Variants in GABPA observed in about 807,000 individuals in gnomAD.
The protein encoded by GABPA is GA binding protein transcription factor subunit alpha, also known as GA-binding protein alpha chain.
A neutral mutation model predicts 59.4 loss-of-function variants in GABPA; 4 were observed. That is an observed-to-expected ratio of 0.07 (90% CI 0.03 to 0.15). The LOEUF (loss-of-function observed/expected upper bound fraction) is 0.15. GABPA is among the 10% of genes least tolerant of loss of function. The pLI, the probability that GABPA is intolerant of heterozygous loss-of-function variation, is 1.00. For synonymous variants in GABPA, 164 were observed against 183.1 expected, an observed-to-expected ratio of 0.90 and a Z score of 0.84; for missense variants, 251 against 543.8, an observed-to-expected ratio of 0.46 and a Z score of 5.36.
chr21:25,737,410 G>GAC (rs1445481753), intron 1 of GABPA, among the ~76,000 whole-genome samples: 1 of 152,190 alleles, frequency 6.6e-6, no homozygotes, highest in Non-Finnish European at 1.5e-5. Context: ...AACCAGGAGA[G>GAC]AAAGAAAGAT....
At chr21:25,746,081 G>T (rs71649679) in intron 3 of GABPA, among the ~76,000 whole-genome samples, 351 of 151,246 alleles carry the variant, frequency 2.3e-3, no homozygotes, top group African/African-American at 8.0e-3. Flanking sequence ...GTGTAGTTTC[G>T]GGTCACTGCA....
intron 3 of GABPA, among the ~76,000 whole-genome samples, chr21:25,747,356 A>G (rs2035394186): frequency 6.6e-6 from 1 of 152,216 alleles, no homozygotes; most frequent in Non-Finnish European, 1.5e-5. Context: ...TGACCTATCC[A>G]AAATGAAAGT....
intron 2 of GABPA, among the ~76,000 whole-genome samples, chr21:25,742,261 C>CA (rs11384761): frequency 1 from 152,326 of 152,326 alleles, 76,163 homozygotes; most frequent in Non-Finnish European, 1. Context: ...TAGAAATAGA[C>CA]TTTGGGAGTC....
intron 2 of GABPA, among the ~76,000 whole-genome samples, chr21:25,743,206 G>T (rs2035269882): frequency 6.6e-6 from 1 of 152,152 alleles, no homozygotes; most frequent in African/African-American, 2.4e-5. Flanking sequence ...AAAGCAAATG[G>T]TCTGAGAGAC....
At chr21:25,736,365 T>TTG (rs1262911615) in intron 1 of GABPA, among the ~76,000 whole-genome samples, 4 of 152,196 alleles carry the variant, frequency 2.6e-5, no homozygotes, top group Non-Finnish European at 5.9e-5. Context: ...CTTGAGCGAA[T>TTG]TGTAGAACGA....
intron 9 of GABPA, among the ~76,000 whole-genome samples, chr21:25,768,119 T>G (rs1162042872): frequency 1.3e-5 from 2 of 152,044 alleles, no homozygotes; most frequent in Non-Finnish European, 2.9e-5. Context: ...TTAAATAAAG[T>G]CTGTTTTCCA....
At chr21:25,744,783 ATCTT>A (rs112099122) in intron 2 of GABPA, among the ~76,000 whole-genome samples, 23 of 152,068 alleles carry the variant, frequency 1.5e-4, no homozygotes, top group African/African-American at 5.6e-4. Flanking sequence ...CTATTTTTAT[ATCTT>A]TCTTTTTTTT....
chr21:25,761,370 A>G (rs919260424), intron 6 of GABPA, among the ~76,000 whole-genome samples: 2 of 152,178 alleles, frequency 1.3e-5, no homozygotes, highest in African/African-American at 4.8e-5. Context: ...CTAAATCCAG[A>G]TCTGTCTGAA....
intron 1 of GABPA, 29 bp from the exon 2 acceptor site, chr21:25,741,544 T>A: frequency 7.7e-7 from 1 of 1,290,346 alleles, no homozygotes. Flanking sequence ...TGGATAGTTT[T>A]AAAATATCTT....
At chr21:25,749,582 A>T (rs2035456003) in intron 4 of GABPA, among the ~76,000 whole-genome samples, 1 of 152,216 alleles carries the variant, frequency 6.6e-6, no homozygotes, top group African/African-American at 2.4e-5. Flanking sequence ...CTGTAATCCT[A>T]CCACTTTGGG....
At chr21:25,750,531 T>G (rs2035483968) in intron 4 of GABPA, among the ~76,000 whole-genome samples, 1 of 152,230 alleles carries the variant, frequency 6.6e-6, no homozygotes, top group Non-Finnish European at 1.5e-5. Flanking sequence ...TTACAGTATT[T>G]TACTAAACTT....
In GABPA at chr21:25,752,218, C is replaced by T. The variant is rs114798549; in HGVS notation, c.537C>T (p.Arg179=). Reference sequence around the variant, plus strand: ...AAGGCTATAGGAAAGAACAAGAACGCCTTGGGATACCCTATGGTAATAAAA... The same window carrying T: ...AAGGCTATAGGAAAGAACAAGAACGTCTTGGGATACCCTATGGTAATAAAA... The part of the protein sequence containing the change: ...ALEGYRKEQE[R]LGIPYDPIQW... Residue 179 remains arginine (R), a synonymous_variant, in exon 5 of 10, where the codon CGC becomes CGT. Transcript: ENST00000400075. 2,589 of 1,612,970 alleles carry T rather than the reference C, an allele frequency of 1.6e-3. 73 individuals are homozygous for T. The East Asian group carries it at 0.052, about 33-fold the overall frequency.
intron 5 of GABPA, 174 bp downstream of exon 5, chr21:25,752,408 TC>T: frequency 1.4e-6 from 1 of 728,026 alleles, no homozygotes; most frequent in Non-Finnish European, 2.2e-6. Flanking sequence ...GTGGACAAAT[TC>T]TGTCCTGCGT....
Position 25,767,481 on chromosome 21 carries a change from G to A in GABPA, c.1137-1523G>A, listed in dbSNP as rs143286507. On this transcript the variant is annotated intron_variant, in intron 9 of 9. Coordinates refer to ENST00000400075, the MANE Select transcript of GABPA (RefSeq NM_002040.4). ...ATGCTACTATATACAGTTGTGTGAT[G>A]CATCTACTAGATCAAAAGAAGTATT... 3.9e-3 allele frequency among the ~76,000 whole-genome samples: 594 copies of A among 151,908 alleles called. 4 individuals are homozygous for A. Among genetic ancestry groups the A allele is most frequent in the Non-Finnish European group, 6.3e-3 (426 of 67,876 alleles).
chr21:25,736,031 T>C (rs1363564810), intron 1 of GABPA, among the ~76,000 whole-genome samples: 1 of 152,214 alleles, frequency 6.6e-6, no homozygotes, highest in Admixed American at 6.5e-5. Context: ...GCTCTCTTTA[T>C]AGAACAACAC....
intron 8 of GABPA, 35 bp from the exon 9 acceptor site, chr21:25,764,560 C>G: frequency 6.3e-7 from 1 of 1,576,540 alleles, no homozygotes; most frequent in South Asian, 1.1e-5. Context: ...ATCTATAACA[C>G]TATAGCTAAT....
At chr21:25,747,051 A>T (rs568854669) in intron 3 of GABPA, among the ~76,000 whole-genome samples, 1 of 152,358 alleles carries the variant, frequency 6.6e-6, no homozygotes, top group Non-Finnish European at 1.5e-5. Flanking sequence ...AAATCAGCAT[A>T]TTTTTAGTCA....
Position 25,769,255 on chromosome 21 carries a change from CAA to C in GABPA, c.*25_*26del, listed in dbSNP as rs2035964716. 6.9e-7 allele frequency: 1 copy of C among 1,452,838 alleles called. No homozygotes were observed. Among genetic ancestry groups the C allele is most frequent in the Admixed American group, 1.7e-5 (1 of 58,888 alleles). 90.0% of individuals were successfully genotyped at this position (1,452,838 alleles called of 1,614,324 possible). On this transcript the variant is annotated 3_prime_UTR_variant, in exon 10 of 10. Coordinates refer to ENST00000400075, the MANE Select transcript of GABPA (RefSeq NM_002040.4). ...TGAGCCCCAGGACATTCTGAGACTC[CAA>C]AGTCTTTCTTAAAATGTTTAGAGCA...
rs2035835680 is a variant in GABPA at position 25,764,218 on chromosome 21, A to G, written c.811A>G (p.Ile271Val). ...CTTGTCTGTCTTTGCAGCTGTGCAA[A>G]TTATTCCAGCATCAGTGCAATCTGC... ...EIVTIDQPVQ[I>V]IPASVQSATP... Residue 271 changes from isoleucine to valine, a missense_variant, in exon 8 of 10, where the codon ATT becomes GTT. Physicochemically the swap from Ile to Val is conservative, Grantham distance 29. This residue lies in a region of GABPA where 207 missense variants were observed against 366.7 expected (regional missense o/e 0.56). Coordinates refer to ENST00000400075, the MANE Select transcript of GABPA (RefSeq NM_002040.4). The G allele has an allele frequency of 1.3e-6, 2 of 1,593,222 alleles. No individual in the cohort carries two copies. Among genetic ancestry groups the G allele is most frequent in the African/African-American group, 1.4e-5 (1 of 73,634 alleles).
Sources: gnomAD v4.1 joint callset for allele counts (sites outside exome capture counted in the v4.1 genomes callset) on GRCh38, gnomAD v4.1.1 for gene constraint, gnomAD v4.1.1 regional missense constraint, MANE v1.5 for transcripts, NCBI Gene and HGNC (gene_info 2026-07-23, HGNC 2026-07-21) for gene names.